EPHA6: variants seen among roughly 807,000 people sequenced by gnomAD.
EPHA6 encodes the protein EPH receptor A6.
Under a neutral mutation model 112.0 loss-of-function variants are expected in EPHA6, and 50 were observed. That is an observed-to-expected ratio of 0.45 (90% CI 0.36 to 0.56). The LOEUF is 0.56. Ranked by LOEUF, EPHA6 falls within the 20% of genes least tolerant of loss-of-function variation. EPHA6 has a pLI of 0.00. For synonymous variants in EPHA6, 529 were observed against 490.7 expected (o/e 1.08, Z -1.03); for missense variants, 1,280 against 1,417.4 (o/e 0.90, Z 1.56).
At chr3:96,818,421 T>C (rs1340216770) in intron 1 of EPHA6, among the ~76,000 whole-genome samples, 1 of 152,034 alleles carries the variant, frequency 6.6e-6, no homozygotes, top group Non-Finnish European at 1.5e-5. Context: ...AGTGAACTTA[T>C]TTTATTAGCA....
intron 2 of EPHA6, among the ~76,000 whole-genome samples, chr3:96,878,301 C>T (rs2037097187): frequency 6.6e-6 from 1 of 150,914 alleles, no homozygotes; most frequent in Non-Finnish European, 1.5e-5. Context: ...GGCCCATATG[C>T]CTGGAAAATA....
rs1215651930 is a variant in EPHA6 at position 97,406,318 on chromosome 3, G to A, written c.1731+1044G>A. Among the ~76,000 whole-genome samples, 5 of 152,102 alleles carry A rather than the reference G, an allele frequency of 3.3e-5. No individual in the cohort carries two copies. In the South Asian group the frequency reaches 6.2e-4, roughly 19 times the overall value. On this transcript the variant is annotated intron_variant, in intron 6 of 17. Transcript: ENST00000389672. ...TCTGGAGACGAAGAAGTCTGAGATC[G>A]AGGACCCAGCATCTGGAAAGGAACT... is the stretch of plus-strand genomic sequence containing the variant.
intron 3 of EPHA6, among the ~76,000 whole-genome samples, chr3:97,058,449 C>T (rs1399421535): frequency 6.6e-6 from 1 of 152,086 alleles, no homozygotes; most frequent in African/African-American, 2.4e-5. Context: ...AGGCAGGCAC[C>T]ACCCTCCGGC....
intron 5 of EPHA6, among the ~76,000 whole-genome samples, chr3:97,318,444 G>A (rs749966753): frequency 4.6e-5 from 7 of 151,974 alleles, no homozygotes; most frequent in Non-Finnish European, 8.8e-5. Context: ...CACACTTGGT[G>A]TTCTTGAACA....
chr3:97,562,361 G>A (rs1560140473), intron 11 of EPHA6, among the ~76,000 whole-genome samples: 1 of 152,134 alleles, frequency 6.6e-6, no homozygotes, highest in Non-Finnish European at 1.5e-5. Flanking sequence ...ATGTTAACAG[G>A]AGTTTGGAAG....
At chr3:97,469,345 C>T (rs1032240851) in intron 7 of EPHA6, among the ~76,000 whole-genome samples, 1 of 151,660 alleles carries the variant, frequency 6.6e-6, no homozygotes, top group Admixed American at 6.6e-5. Context: ...CTGTTGCCTA[C>T]TACACTATTT....
chr3:97,092,936 G>C (rs1003767525), intron 3 of EPHA6, among the ~76,000 whole-genome samples: 4 of 152,116 alleles, frequency 2.6e-5, no homozygotes, highest in Admixed American at 2.6e-4. Flanking sequence ...GATTCAGGGA[G>C]CTAGGCCTCT....
At chr3:97,018,127 G>A (rs1281556406) in intron 3 of EPHA6, among the ~76,000 whole-genome samples, 1 of 151,250 alleles carries the variant, frequency 6.6e-6, no homozygotes, top group Admixed American at 6.6e-5. Context: ...CAGAATTTCT[G>A]CTTGATTCTT....
chr3:97,156,171 C>T (rs187975614), intron 3 of EPHA6, among the ~76,000 whole-genome samples: 1 of 152,140 alleles, frequency 6.6e-6, no homozygotes, highest in Admixed American at 6.6e-5. Flanking sequence ...TAATACTGGT[C>T]AGAGTCAAGG....
In EPHA6 at chr3:97,240,425, T is replaced by C. The variant is rs138560881; in HGVS notation, c.1271-3527T>C. ...TAGTAACTTAAGAACTGATTAAATA[T>C]AGCTTAATATGCAATTGTCTTTCAT... On this transcript the variant is annotated intron_variant, in intron 4 of 17. Transcript: ENST00000389672. 6.4e-3 allele frequency among the ~76,000 whole-genome samples: 967 copies of C among 152,028 alleles called. 12 individuals are homozygous for C. Among genetic ancestry groups the C allele is most frequent in the African/African-American group, 0.022 (931 of 41,524 alleles).
intron 5 of EPHA6, among the ~76,000 whole-genome samples, chr3:97,320,445 A>G (rs1449317719): frequency 6.6e-6 from 1 of 151,968 alleles, no homozygotes; most frequent in East Asian, 1.9e-4. Context: ...ACCTCATGGC[A>G]AATCTTTTCT....
intron 6 of EPHA6, among the ~76,000 whole-genome samples, chr3:97,445,762 A>T (rs2090322226): frequency 6.6e-6 from 1 of 151,684 alleles, no homozygotes; most frequent in South Asian, 2.1e-4. Context: ...AAGCTTGATC[A>T]TGAAAAAAAG....
intron 9 of EPHA6, 62 bp from the exon 10 acceptor site, chr3:97,483,872 C>A (rs997635524): frequency 5.3e-5 from 77 of 1,464,790 alleles, no homozygotes; most frequent in Non-Finnish European, 6.9e-5. Flanking sequence ...TTTAAATGTT[C>A]ACAAGATATA....
intron 3 of EPHA6, among the ~76,000 whole-genome samples, chr3:97,006,277 T>G (rs2107923912): frequency 6.6e-6 from 1 of 152,322 alleles, no homozygotes; most frequent in South Asian, 2.1e-4. Context: ...GGCTATTAAT[T>G]ACTGCCTCAA....
At chr3:97,456,271 T>C (rs2090681353) in intron 7 of EPHA6, among the ~76,000 whole-genome samples, 1 of 152,124 alleles carries the variant, frequency 6.6e-6, no homozygotes, top group Non-Finnish European at 1.5e-5. Flanking sequence ...TTCTCATTTG[T>C]GTATGCTGTG....
intron 5 of EPHA6, among the ~76,000 whole-genome samples, chr3:97,376,355 G>A (rs899740472): frequency 6.6e-6 from 1 of 152,082 alleles, no homozygotes; most frequent in Non-Finnish European, 1.5e-5. Flanking sequence ...AAATGAAATA[G>A]GCAGGCTTCT....
intron 11 of EPHA6, among the ~76,000 whole-genome samples, chr3:97,565,855 A>G (rs1354328041): frequency 6.6e-6 from 1 of 151,424 alleles, no homozygotes; most frequent in Non-Finnish European, 1.5e-5. Flanking sequence ...CGTCTCTACT[A>G]AAAATACAAA....
intron 3 of EPHA6, among the ~76,000 whole-genome samples, chr3:97,070,910 G>A (rs2046329658): frequency 6.6e-6 from 1 of 152,008 alleles, no homozygotes; most frequent in Non-Finnish European, 1.5e-5. Context: ...CAGATAAACG[G>A]TATTATTTAA....
intron 15 of EPHA6, among the ~76,000 whole-genome samples, chr3:97,720,836 G>A (rs896932459): frequency 2.6e-5 from 4 of 152,198 alleles, no homozygotes; most frequent in African/African-American, 9.6e-5. Flanking sequence ...TTCAGGCAAT[G>A]CATTATCAAT....
Sources: gnomAD v4.1 joint callset for allele counts (sites outside exome capture counted in the v4.1 genomes callset) on GRCh38, gnomAD v4.1.1 for gene constraint, MANE v1.5 for transcripts, NCBI Gene and HGNC (gene_info 2026-07-23, HGNC 2026-07-21) for gene names.